Variants in DCC observed in about 807,000 individuals in gnomAD.
DCC encodes netrin receptor DCC.
In DCC, 58 loss-of-function variants were observed where a neutral mutation model predicts 172.5. The observed-to-expected ratio is 0.34, with a 90% CI of 0.27 to 0.42. The LOEUF is 0.42. Among genes scored for constraint, DCC ranks in the 10% least tolerant of loss-of-function variants. The pLI is 1.00. For synonymous variants in DCC, 709 were observed against 644.5 expected (o/e 1.10, Z -1.52); for missense variants, 1,740 against 1,791.0 (o/e 0.97, Z 0.51).
chr18:52,507,866 C>T (rs1162174082), intron 1 of DCC, among the ~76,000 whole-genome samples: 4 of 152,136 alleles, frequency 2.6e-5, no homozygotes, highest in African/African-American at 7.2e-5. Context: ...TTTGGGAGGC[C>T]GAGGCAGGTG....
At chr18:53,398,881 TGAG>T (rs1909124355) in intron 18 of DCC, among the ~76,000 whole-genome samples, 1 of 152,128 alleles carries the variant, frequency 6.6e-6, no homozygotes, top group Non-Finnish European at 1.5e-5. Flanking sequence ...TGAGTGATGA[TGAG>T]AAGTAAGAAG....
At chr18:52,408,251 A>G (rs373391860) in intron 1 of DCC, among the ~76,000 whole-genome samples, 2 of 152,058 alleles carry the variant, frequency 1.3e-5, no homozygotes, top group East Asian at 1.9e-4. Flanking sequence ...TTTTTTAAGA[A>G]CTGAAATGAG....
chr18:53,454,083 C>A (rs1386013656), intron 23 of DCC, among the ~76,000 whole-genome samples: 1 of 152,180 alleles, frequency 6.6e-6, no homozygotes, highest in Non-Finnish European at 1.5e-5. Flanking sequence ...TAAGGCTGGA[C>A]ACACCTGTAA....
intron 2 of DCC, among the ~76,000 whole-genome samples, chr18:52,820,717 A>G (rs963503790): frequency 1.3e-5 from 2 of 152,162 alleles, no homozygotes; most frequent in Admixed American, 1.3e-4. Flanking sequence ...TAGAGAAGAG[A>G]GGTGATACAT....
intron 5 of DCC, among the ~76,000 whole-genome samples, chr18:52,933,641 C>T (rs2040340841): frequency 6.6e-6 from 1 of 152,012 alleles, no homozygotes; most frequent in African/African-American, 2.4e-5. Flanking sequence ...GCAGTGGAAA[C>T]ATATGGAAAG....
At chr18:53,424,255 A>G (rs1047262738) in intron 21 of DCC, among the ~76,000 whole-genome samples, 2 of 152,180 alleles carry the variant, frequency 1.3e-5, no homozygotes, top group African/African-American at 4.8e-5. Flanking sequence ...ATCAAAACTA[A>G]TGGAAGCTGA....
At chr18:53,162,811 C>A (rs969158894) in intron 8 of DCC, among the ~76,000 whole-genome samples, 1 of 152,172 alleles carries the variant, frequency 6.6e-6, no homozygotes, top group African/African-American at 2.4e-5. Flanking sequence ...CTTGTACTTA[C>A]AAATTTTGTT....
At chr18:52,920,981 G>A (rs1201162190) in intron 3 of DCC, among the ~76,000 whole-genome samples, 1 of 152,114 alleles carries the variant, frequency 6.6e-6, no homozygotes, top group Non-Finnish European at 1.5e-5. Context: ...TACAACTATA[G>A]AAATAGTAAA....
At chr18:53,396,093 G>A (rs183688347) in intron 17 of DCC, among the ~76,000 whole-genome samples, 1 of 149,638 alleles carries the variant, frequency 6.7e-6, no homozygotes, top group African/African-American at 2.4e-5. Context: ...AACCTAAGAA[G>A]GATTCGTAGT....
chr18:52,794,726 C>G (rs576929563), intron 2 of DCC, among the ~76,000 whole-genome samples: 53 of 152,114 alleles, frequency 3.5e-4, no homozygotes, highest in African/African-American at 1.3e-3. Context: ...AAAGGAAAGG[C>G]TTTCAACTTT....
At chr18:52,924,585 C>G (rs1598935077) in intron 4 of DCC, among the ~76,000 whole-genome samples, 1 of 152,012 alleles carries the variant, frequency 6.6e-6, no homozygotes, top group East Asian at 1.9e-4. Context: ...TGAAATGGAT[C>G]TTACTTAATT....
intron 1 of DCC, among the ~76,000 whole-genome samples, chr18:52,626,451 T>G (rs79565069): frequency 6.7e-6 from 1 of 148,858 alleles, no homozygotes; most frequent in South Asian, 2.1e-4. Context: ...GTCTCTCTGC[T>G]TTTTTTTTTC....
At chr18:52,635,100 T>G (rs767068636) in intron 1 of DCC, among the ~76,000 whole-genome samples, 4 of 152,248 alleles carry the variant, frequency 2.6e-5, no homozygotes, top group Non-Finnish European at 5.9e-5. Context: ...CTTCCAAATT[T>G]GACAAATAAT....
Position 53,377,307 on chromosome 18 carries a change from A to G in DCC, c.2360-8736A>G, listed in dbSNP as rs1396194322. Among the ~76,000 whole-genome samples the G allele has an allele frequency of 4.0e-5, 6 of 151,682 alleles. No homozygotes were observed. The East Asian group carries it at 1.2e-3, about 30-fold the overall frequency. On this transcript the variant is annotated intron_variant, in intron 15 of 28. Transcript: ENST00000442544. ...TGCATCTGGTGAGGGACTTCTTGCT[A>G]CATTATCCCATGGTGGAAGGCAGAA...
At chr18:52,546,496 A>T (rs1328247367) in intron 1 of DCC, among the ~76,000 whole-genome samples, 1 of 152,102 alleles carries the variant, frequency 6.6e-6, no homozygotes, top group Non-Finnish European at 1.5e-5. Context: ...ACAGTTCTTG[A>T]CTGGGGACAC....
At chr18:52,895,512 G>T (rs2039715447) in intron 2 of DCC, among the ~76,000 whole-genome samples, 1 of 151,998 alleles carries the variant, frequency 6.6e-6, no homozygotes, top group Non-Finnish European at 1.5e-5. Context: ...CATTAGGAAA[G>T]TTTCCTTTTG....
chr18:52,755,207 G>T (rs73457802), intron 2 of DCC, among the ~76,000 whole-genome samples: 9 of 152,154 alleles, frequency 5.9e-5, no homozygotes. Flanking sequence ...GCCAGAGGAG[G>T]TCTGCTGATT....
intron 12 of DCC, among the ~76,000 whole-genome samples, chr18:53,253,564 A>G (rs1598949856): frequency 6.6e-6 from 1 of 152,208 alleles, no homozygotes; most frequent in East Asian, 1.9e-4. Flanking sequence ...GTCTCATTAT[A>G]ACAATACTCT....
At chr18:53,186,574 A>G (rs2055285197) in intron 9 of DCC, among the ~76,000 whole-genome samples, 1 of 152,188 alleles carries the variant, frequency 6.6e-6, no homozygotes, top group African/African-American at 2.4e-5. Flanking sequence ...TTTTAATCAC[A>G]TGTGTATTGA....
Sources: allele counts gnomAD v4.1 joint callset (sites outside exome capture counted in the v4.1 genomes callset), GRCh38; gene constraint gnomAD v4.1.1; transcripts MANE v1.5; gene names NCBI Gene and HGNC (gene_info 2026-07-23, HGNC 2026-07-21).